CACNA2D3: variants seen among roughly 807,000 people sequenced by gnomAD.
The protein encoded by CACNA2D3 is calcium voltage-gated channel auxiliary subunit alpha2delta 3, also known as voltage-dependent calcium channel subunit alpha-2/delta-3.
CACNA2D3 carries 60 observed loss-of-function variants against 160.6 expected under a neutral mutation model. The observed-to-expected ratio is 0.37, with a 90% CI of 0.30 to 0.46. The LOEUF is 0.46. Among genes scored for constraint, CACNA2D3 ranks in the 20% least tolerant of loss-of-function variants. The pLI is 1.00. For missense variants in CACNA2D3, 1,205 were observed against 1,365.0 expected (o/e 0.88, Z 1.85); for synonymous variants, 558 against 492.9 (o/e 1.13, Z -1.75).
intron 12 of CACNA2D3, among the ~76,000 whole-genome samples, chr3:54,757,163 T>G (rs955006864): frequency 6.6e-6 from 1 of 152,172 alleles, no homozygotes; most frequent in African/African-American, 2.4e-5. Context: ...AAATAAGCAC[T>G]GGCTGATTCT....
intron 23 of CACNA2D3, among the ~76,000 whole-genome samples, 172 bp from the exon 24 acceptor site, chr3:54,887,787 C>T (rs1011012001): frequency 6.6e-6 from 1 of 152,192 alleles, no homozygotes; most frequent in African/African-American, 2.4e-5. Flanking sequence ...GTGTTGCAGG[C>T]ATACCAGGTG....
intron 2 of CACNA2D3, among the ~76,000 whole-genome samples, chr3:54,207,884 AT>A (rs960165272): frequency 6.6e-6 from 1 of 152,048 alleles, no homozygotes; most frequent in Non-Finnish European, 1.5e-5. Context: ...CATGACACTT[AT>A]CCATTATCCA....
rs377539210 is a variant in CACNA2D3 at position 54,386,661 on chromosome 3, A to G, written c.322-54A>G. ...TTTGGTCAATGGAGAAATGGGGTTCAGGCCACAATTCTGATCCTTAATGCT... is the reference window on the plus strand; with the variant it reads ...TTTGGTCAATGGAGAAATGGGGTTCGGGCCACAATTCTGATCCTTAATGCT... On this transcript the variant is annotated intron_variant, in intron 3 of 37. Transcript: ENST00000474759. The G allele has an allele frequency of 4.0e-5, 60 of 1,484,856 alleles. 1 individual carries two copies. The East Asian group carries it at 4.9e-4, about 12-fold the overall frequency. The allele number at this position is 1,484,856 out of a possible 1,614,324, so 92.0% of individuals were successfully genotyped here. A position where few individuals can be genotyped will look rare whatever the true frequency, so the allele number is the denominator to read the frequency against.
chr3:55,063,507 G>C (rs774797454), intron 35 of CACNA2D3, among the ~76,000 whole-genome samples: 1 of 152,162 alleles, frequency 6.6e-6, no homozygotes, highest in Non-Finnish European at 1.5e-5. Flanking sequence ...TGCTCTTCAG[G>C]TGATTCCAGT....
chr3:54,461,454 T>G (rs1575468196), intron 4 of CACNA2D3, among the ~76,000 whole-genome samples: 4 of 151,294 alleles, frequency 2.6e-5, no homozygotes, highest in Admixed American at 6.6e-5. Context: ...CAATTTCAGC[T>G]CCTGTTATTG....
chr3:54,351,729 C>G (rs1698568371), intron 3 of CACNA2D3, among the ~76,000 whole-genome samples: 1 of 152,204 alleles, frequency 6.6e-6, no homozygotes, highest in African/African-American at 2.4e-5. Flanking sequence ...GCCTACCACC[C>G]TATATAATAG....
At chr3:54,600,743 C>A (rs964930130) in intron 9 of CACNA2D3, among the ~76,000 whole-genome samples, 2 of 152,098 alleles carry the variant, frequency 1.3e-5, no homozygotes, top group African/African-American at 4.8e-5. Flanking sequence ...TTGTCATGAG[C>A]CTCCTGCGCT....
At chr3:54,725,140 T>C (rs368609962) in intron 11 of CACNA2D3, among the ~76,000 whole-genome samples, 5 of 152,252 alleles carry the variant, frequency 3.3e-5, no homozygotes, top group South Asian at 4.1e-4. Flanking sequence ...AACACCTCTA[T>C]GCAAATAAAC....
rs747843120 is a variant in CACNA2D3 at position 54,446,690 on chromosome 3, C to T, written c.382-56802C>T. 3.9e-5 allele frequency among the ~76,000 whole-genome samples: 6 copies of T among 152,020 alleles called. 1 individual carries two copies. The highest frequency in any genetic ancestry group is 2.0e-4 in the Admixed American group (3 of 15,258). On this transcript the variant is annotated intron_variant, in intron 4 of 37. Coordinates refer to ENST00000474759, the MANE Select transcript of CACNA2D3 (RefSeq NM_018398.3). ...GATTCCTAAATGACATTTAAGCAAGCCTCATGATGATGGTGTCTAATCCCT... is the reference window on the plus strand; with the variant it reads ...GATTCCTAAATGACATTTAAGCAAGTCTCATGATGATGGTGTCTAATCCCT...
chr3:55,009,657 T>A (rs1703168521), intron 34 of CACNA2D3, among the ~76,000 whole-genome samples: 1 of 152,236 alleles, frequency 6.6e-6, no homozygotes, highest in South Asian at 2.1e-4. Flanking sequence ...CCACGTTGAA[T>A]GTACATCTTG....
At chr3:54,913,682 A>G (rs568966709) in intron 27 of CACNA2D3, among the ~76,000 whole-genome samples, 1 of 152,220 alleles carries the variant, frequency 6.6e-6, no homozygotes, top group South Asian at 2.1e-4. Context: ...CCATGCTTTA[A>G]GGTAAGTGTT....
intron 4 of CACNA2D3, among the ~76,000 whole-genome samples, chr3:54,409,276 A>G (rs1373429377): frequency 6.6e-6 from 1 of 152,154 alleles, no homozygotes; most frequent in African/African-American, 2.4e-5. Context: ...GTAATCTGTG[A>G]TCAGTGATCT....
At chr3:54,152,235 A>G (rs11705828) in intron 2 of CACNA2D3, among the ~76,000 whole-genome samples, 12,886 of 152,222 alleles carry the variant, frequency 0.085, 718 homozygotes, top group Middle Eastern at 0.13. Flanking sequence ...AATATCCCAG[A>G]TCATTCTCAT....
chr3:54,348,895 T>C (rs1209087084), intron 3 of CACNA2D3, among the ~76,000 whole-genome samples: 1 of 152,128 alleles, frequency 6.6e-6, no homozygotes, highest in Non-Finnish European at 1.5e-5. Flanking sequence ...GCCTGGCTAA[T>C]TTTTGTATTT....
intron 13 of CACNA2D3, among the ~76,000 whole-genome samples, chr3:54,791,161 T>TA (rs1387925390): frequency 7.2e-5 from 11 of 152,332 alleles, no homozygotes; most frequent in African/African-American, 2.6e-4. Context: ...GGGAAACATG[T>TA]CCTAATCAAT....
At chr3:54,240,031 G>C (rs546075562) in intron 2 of CACNA2D3, among the ~76,000 whole-genome samples, 3 of 152,174 alleles carry the variant, frequency 2.0e-5, no homozygotes, top group Non-Finnish European at 4.4e-5. Context: ...TTTGCATAGG[G>C]AACAGAAGAA....
intron 13 of CACNA2D3, among the ~76,000 whole-genome samples, chr3:54,815,787 T>C (rs1703434615): frequency 6.6e-6 from 1 of 152,216 alleles, no homozygotes; most frequent in Admixed American, 6.5e-5. Context: ...TTTAATGGGA[T>C]AATGCAAAGA....
At chr3:54,322,749 A>G (rs1704030744) in intron 3 of CACNA2D3, among the ~76,000 whole-genome samples, 1 of 152,156 alleles carries the variant, frequency 6.6e-6, no homozygotes, top group Non-Finnish European at 1.5e-5. Flanking sequence ...GACAGGAGGG[A>G]ACGTGAACTG....
Position 54,439,346 on chromosome 3 carries a change from T to C in CACNA2D3, c.381+52572T>C, listed in dbSNP as rs199956845. Among the ~76,000 whole-genome samples, 15 of 151,780 alleles carry C rather than the reference T, an allele frequency of 9.9e-5. No homozygotes were observed. The East Asian group carries it at 2.3e-3, about 23-fold the overall frequency. ...GTGTGTGTGTGTTTGTGTGTGAAGA[T>C]AGAGAATTAGCTCATGGATCTCAAG... On this transcript the variant is annotated intron_variant, in intron 4 of 37. Coordinates refer to ENST00000474759, the MANE Select transcript of CACNA2D3 (RefSeq NM_018398.3).
Sources: allele counts gnomAD v4.1 joint callset (sites outside exome capture counted in the v4.1 genomes callset), GRCh38; gene constraint gnomAD v4.1.1; transcripts MANE v1.5; gene names NCBI Gene and HGNC (gene_info 2026-07-23, HGNC 2026-07-21).